Variants in CHL1 observed in about 807,000 individuals in gnomAD.
CHL1 encodes cell adhesion molecule L1 like.
In CHL1, 96 loss-of-function variants were observed where a neutral mutation model predicts 141.9. That is an observed-to-expected ratio of 0.68 (90% CI 0.57 to 0.80). The LOEUF is 0.80. Among genes scored for constraint, CHL1 ranks in the 30% least tolerant of loss-of-function variants. CHL1 has a pLI of 0.00. For missense variants in CHL1, 1,820 were observed against 1,457.2 expected (o/e 1.25, Z -4.05); for synonymous variants, 613 against 502.2 (o/e 1.22, Z -2.95).
intron 2 of CHL1, among the ~76,000 whole-genome samples, chr3:301,914 A>G (rs111962845): frequency 1.4e-3 from 209 of 152,244 alleles, no homozygotes; most frequent in African/African-American, 4.5e-3. Context: ...CGCACCGCCA[A>G]CAGGCCCTGG....
chr3:401,941 G>T lies in CHL1; in HGVS notation c.3458+243G>T, dbSNP rs199611395. Among the ~76,000 whole-genome samples, 28 of 152,278 alleles carry T rather than the reference G, an allele frequency of 1.8e-4. 2 individuals carry two copies. In the East Asian group the frequency reaches 5.0e-3, roughly 27 times the overall value. On this transcript the variant is annotated intron_variant, in intron 27 of 27. Transcript: ENST00000256509. Reference sequence around the variant, plus strand: ...TGTCAGGTAGGACACTTTTCTTGAAGCTCTGTGCCTAACACAAAGAATATC... The same window carrying T: ...TGTCAGGTAGGACACTTTTCTTGAATCTCTGTGCCTAACACAAAGAATATC...
intron 1 of CHL1, among the ~76,000 whole-genome samples, chr3:234,676 A>G (rs1371358119): frequency 6.6e-6 from 1 of 152,110 alleles, no homozygotes; most frequent in African/African-American, 2.4e-5. Flanking sequence ...TACTCAGTCC[A>G]AAGCAGCAGG....
chr3:199,894 A>G (rs574222812), intron 1 of CHL1, among the ~76,000 whole-genome samples: 1 of 152,350 alleles, frequency 6.6e-6, no homozygotes, highest in South Asian at 2.1e-4. Flanking sequence ...TTTTTAACCG[A>G]TAAAAGAAAA....
chr3:349,304 G>T, intron 9 of CHL1, 55 bp from the exon 10 acceptor site: 1 of 1,448,204 alleles, frequency 6.9e-7, no homozygotes, highest in Non-Finnish European at 9.5e-7. Flanking sequence ...GGTTTTCTTT[G>T]TATTTTACTT....
In CHL1 at chr3:407,335, T is replaced by C. The variant is rs1451461774; in HGVS notation, c.*1624T>C. 6.6e-6 allele frequency: 1 copy of C among 152,140 alleles called. No homozygotes were observed. The highest frequency in any genetic ancestry group is 1.5e-5 in the Non-Finnish European group (1 of 68,022). The allele number at this position is 152,140 out of a possible 1,614,324, so 9.4% of individuals were successfully genotyped here. On this transcript the variant is annotated 3_prime_UTR_variant, in exon 28 of 28. Transcript: ENST00000256509. Reference sequence around the variant, plus strand: ...CCAAAATTTGGGGTATTTATAATAGTCAGCGCAGGAATGCACATGGAATAT... The same window carrying C: ...CCAAAATTTGGGGTATTTATAATAGCCAGCGCAGGAATGCACATGGAATAT...
At chr3:213,623 A>T (rs1182835434) in intron 1 of CHL1, 1 of 152,208 alleles carries the variant, frequency 6.6e-6, no homozygotes, top group Non-Finnish European at 1.5e-5. Flanking sequence ...AAAATAGAGG[A>T]TGAAAAATGC....
chr3:391,758 A>G lies in CHL1; in HGVS notation c.2875A>G (p.Asn959Asp). Reference protein sequence around the residue: ...TLSWGLPKKLNGNLTGYLLQY... With the variant: ...TLSWGLPKKLDGNLTGYLLQY... ...ATCTTGGGGACTACCTAAGAAATTA[A>G]ATGGAAACTTAACTGGCTATCTTTT... The change falls in exon 23 of 28, where the codon AAT becomes GAT. Residue 959 changes from asparagine (N) to aspartate (D), a missense_variant. By Grantham distance (23) the Asn-to-Asp change is conservative (BLOSUM62 1). Coordinates refer to ENST00000256509, the MANE Select transcript of CHL1 (RefSeq NM_006614.4). 1 of 1,600,198 alleles carries G rather than the reference A, an allele frequency of 6.2e-7. No homozygotes were observed. The highest frequency in any genetic ancestry group is 1.1e-5 in the South Asian group (1 of 88,870).
chr3:319,354 G>T (rs1700379833), intron 2 of CHL1, among the ~76,000 whole-genome samples: 2 of 151,646 alleles, frequency 1.3e-5, no homozygotes, highest in Admixed American at 6.6e-5. Context: ...AACCTGCAAA[G>T]TTACCTCCTG....
intron 2 of CHL1, among the ~76,000 whole-genome samples, chr3:319,218 C>A: frequency 9.0e-6 from 1 of 111,348 alleles, no homozygotes; most frequent in African/African-American, 4.3e-5. Flanking sequence ...TTGTGGACTA[C>A]TAGATGGGGG....
intron 23 of CHL1, among the ~76,000 whole-genome samples, chr3:394,112 A>G (rs533406166): frequency 3.9e-5 from 6 of 152,190 alleles, no homozygotes; most frequent in Non-Finnish European, 7.3e-5. Flanking sequence ...TATCTGATTC[A>G]GCTTTTTACA....
chr3:286,560 G>A (rs537458948), intron 2 of CHL1, among the ~76,000 whole-genome samples: 45 of 148,644 alleles, frequency 3.0e-4, no homozygotes, highest in South Asian at 2.8e-3. Flanking sequence ...GCAGTGAGCC[G>A]AGATTGCGCC....
intron 1 of CHL1, among the ~76,000 whole-genome samples, chr3:231,445 A>T (rs1213036834): frequency 6.6e-6 from 1 of 152,164 alleles, no homozygotes; most frequent in African/African-American, 2.4e-5. Context: ...AGTTGAACTA[A>T]GTTTCAAAGT....
At chr3:380,002 A>G (rs1484655061) in intron 16 of CHL1, among the ~76,000 whole-genome samples, 1 of 152,166 alleles carries the variant, frequency 6.6e-6, no homozygotes, top group Non-Finnish European at 1.5e-5. Flanking sequence ...ACATGCTTTC[A>G]GGATATCATT....
chr3:392,999 C>T (rs780780415), intron 23 of CHL1, among the ~76,000 whole-genome samples: 7 of 151,810 alleles, frequency 4.6e-5, no homozygotes, highest in Admixed American at 1.3e-4. Context: ...AGTGGGAGGC[C>T]GAGGCTGGTG....
At chr3:228,366 G>A (rs1377585764) in intron 1 of CHL1, among the ~76,000 whole-genome samples, 2 of 151,956 alleles carry the variant, frequency 1.3e-5, no homozygotes, top group Non-Finnish European at 2.9e-5. Flanking sequence ...AAAAATATTT[G>A]TACTATTTCC....
At chr3:397,966 G>C (rs1470887686) in intron 24 of CHL1, among the ~76,000 whole-genome samples, 3 of 152,044 alleles carry the variant, frequency 2.0e-5, no homozygotes, top group African/African-American at 7.2e-5. Flanking sequence ...CTGTGGTTTT[G>C]AACCATTCAT....
chr3:366,059 G>C lies in CHL1; in HGVS notation c.1695G>C (p.Lys565Asn). ...KCDSHLKHSL[K>N]LSWSKDGEAF... ...ACTCACATTTGAAACACAGTTTGAA[G>C]TTGTCCTGGAGTAAAGATGGAGAAG... Residue 565 changes from lysine (K) to asparagine (N), a missense_variant, in exon 15 of 28, where the codon AAG (lysine) becomes AAC (asparagine). Physicochemically the swap from Lys to Asn is moderately conservative, Grantham distance 94 (BLOSUM62 0). Coordinates refer to ENST00000256509, the MANE Select transcript of CHL1 (RefSeq NM_006614.4). The C allele has an allele frequency of 2.5e-6, 4 of 1,613,956 alleles. No individual in the cohort carries two copies. The highest frequency in any genetic ancestry group is 3.4e-6 in the Non-Finnish European group (4 of 1,179,912).
intron 24 of CHL1, among the ~76,000 whole-genome samples, chr3:396,511 T>G (rs1334028929): frequency 6.6e-6 from 1 of 152,128 alleles, no homozygotes; most frequent in Admixed American, 6.6e-5. Flanking sequence ...GTTGCGAAAT[T>G]TGGGCTTGGT....
chr3:323,432 A>G (rs530629667), intron 3 of CHL1, among the ~76,000 whole-genome samples: 6 of 152,228 alleles, frequency 3.9e-5, no homozygotes, highest in African/African-American at 1.4e-4. Flanking sequence ...ATTTTTTCCA[A>G]ATGAAAGCTC....
Sources: gnomAD v4.1 joint callset for allele counts (sites outside exome capture counted in the v4.1 genomes callset) on GRCh38, gnomAD v4.1.1 for gene constraint, MANE v1.5 for transcripts, NCBI Gene and HGNC (gene_info 2026-07-23, HGNC 2026-07-21) for gene names.